Variants in NECTIN1 observed in about 807,000 individuals in gnomAD.
The protein encoded by NECTIN1 is nectin cell adhesion molecule 1.
NECTIN1 carries 23 observed loss-of-function variants against 48.0 expected under a neutral mutation model. That is an observed-to-expected ratio of 0.48 (90% CI 0.34 to 0.68). The LOEUF (loss-of-function observed/expected upper bound fraction) is 0.68, where lower values mean the gene tolerates loss of function less well. NECTIN1 is among the 30% of genes least tolerant of loss of function. The probability of loss-of-function intolerance (pLI) is 0.01; values close to 1 mark genes in which losing one functional copy is unlikely to be tolerated. For missense variants in NECTIN1, 591 were observed against 709.9 expected, an observed-to-expected ratio of 0.83 and a Z score of 1.90; for synonymous variants, 270 against 288.9, an observed-to-expected ratio of 0.93 and a Z score of 0.66.
In NECTIN1 at chr11:119,663,197, G is replaced by A. The variant is rs891443972; in HGVS notation, c.*1550C>T. ...GTGGGCAGGCATGAAGGGCCGCGAA[G>A]CCTGCCTCTCCATCCCAGGGTCCTT... On this transcript the variant is annotated 3_prime_UTR_variant, in exon 6 of 6. Transcript: ENST00000264025. 3.0e-6 allele frequency: 3 copies of A among 985,382 alleles called. No individual in the cohort carries two copies. The highest frequency in any genetic ancestry group is 4.7e-5 in the South Asian group (1 of 21,294). The allele number at this position is 985,382 out of a possible 1,614,324, so 61.0% of individuals were successfully genotyped here.
At chr11:119,652,698 A>C (rs1008151025) in intron 5 of NECTIN1, among the ~76,000 whole-genome samples, 1 of 152,192 alleles carries the variant, frequency 6.6e-6, no homozygotes, top group South Asian at 2.1e-4. Flanking sequence ...AGTGGGCGAG[A>C]AGCAGAGCCA....
Position 119,675,242 on chromosome 11 carries a change from T to C in NECTIN1, c.920A>G (p.Asn307Ser), listed in dbSNP as rs1289324780. The C allele has an allele frequency of 1.2e-6, 2 of 1,614,112 alleles. No individual in the cohort carries two copies. The highest frequency in any genetic ancestry group is 8.5e-7 in the Non-Finnish European group (1 of 1,180,024). Residue 307 changes from asparagine (N) to serine (S), a missense_variant, in exon 5 of 6, where the codon AAC becomes AGC. Asn to Ser is a conservative substitution (Grantham distance 46). Transcript: ENST00000264025. Reference sequence around the variant, plus strand: ...GATGTAGGTCCCTGCCAGGCTGTAGTTGATGGGTCCCTTGAAGAAGAGGGT... The same window carrying C: ...GATGTAGGTCCCTGCCAGGCTGTAGCTGATGGGTCCCTTGAAGAAGAGGGT... ...NRTLFFKGPI[N>S]YSLAGTYICE...
At chr11:119,711,107 TG>T (rs1182454346) in intron 1 of NECTIN1, among the ~76,000 whole-genome samples, 59 of 490 alleles carry the variant, frequency 0.12, 1 homozygote, top group African/African-American at 0.25. Flanking sequence ...CACGGGAGGC[TG>T]GCTGGGCACG....
intron 1 of NECTIN1, among the ~76,000 whole-genome samples, chr11:119,688,880 G>A (rs904279467): frequency 2.0e-5 from 3 of 152,024 alleles, no homozygotes; most frequent in African/African-American, 7.3e-5. Flanking sequence ...GTCAGAATAT[G>A]GGTTATAGAG....
rs570133280 is a variant in NECTIN1 at position 119,664,287 on chromosome 11, C to T, written c.*460G>A. On this transcript the variant is annotated 3_prime_UTR_variant, in exon 6 of 6. Transcript: ENST00000264025. ...TGGTGGGTGTTGGGTTCCCTCTAGC[C>T]GGGAGGAGGAGCAGCATCTGGGGGT... 32 of 998,374 alleles carry T rather than the reference C, an allele frequency of 3.2e-5. No individual in the cohort carries two copies. In the East Asian group the frequency reaches 1.2e-3, roughly 37 times the overall value. 61.8% of individuals were successfully genotyped at this position (998,374 alleles called of 1,614,324 possible).
At chr11:119,674,324 T>G in intron 5 of NECTIN1, 1 of 1,357,266 alleles carries the variant, frequency 7.4e-7, no homozygotes, top group South Asian at 1.6e-5. Context: ...GTGATGGCAG[T>G]TTACCCCTGT....
At chr11:119,723,644 T>G (rs1047834656) in intron 1 of NECTIN1, among the ~76,000 whole-genome samples, 30 of 152,352 alleles carry the variant, frequency 2.0e-4, no homozygotes, top group African/African-American at 7.0e-4. Context: ...AGTTCATCTC[T>G]CCTTGTGGAA....
downstream of NECTIN1, among the ~76,000 whole-genome samples, chr11:119,660,012 G>C (rs561130723): frequency 6.6e-6 from 1 of 152,290 alleles, no homozygotes; most frequent in Non-Finnish European, 1.5e-5. Flanking sequence ...TCAGCCAGCT[G>C]CCAACAGCTG....
At chr11:119,656,332 G>T (rs1160532894), downstream of NECTIN1, 1 of 152,226 alleles carries the variant, frequency 6.6e-6, no homozygotes, top group African/African-American at 2.4e-5. Context: ...GGCAGCACAT[G>T]TACTAAAATT....
At chr11:119,722,298 A>G (rs1565405250) in intron 1 of NECTIN1, among the ~76,000 whole-genome samples, 1 of 152,228 alleles carries the variant, frequency 6.6e-6, no homozygotes, top group Non-Finnish European at 1.5e-5. Context: ...CAATTTGCAA[A>G]AGGATTCAGT....
chr11:119,720,261 G>A (rs771550947), intron 1 of NECTIN1, among the ~76,000 whole-genome samples: 3 of 152,254 alleles, frequency 2.0e-5, no homozygotes, highest in Non-Finnish European at 4.4e-5. Context: ...CACAAGACGC[G>A]GGGACTGAGG....
At chr11:119,648,264 A>ATGGTGGTG (rs1565376362) in intron 5 of NECTIN1, among the ~76,000 whole-genome samples, 1 of 29,716 alleles carries the variant, frequency 3.4e-5, no homozygotes, top group Non-Finnish European at 5.6e-5. Context: ...AGGTGGTAAT[A>ATGGTGGTG]GTGGTGGTGG....
In NECTIN1 at chr11:119,674,066, C is replaced by T. The variant is rs554244863; in HGVS notation, c.1003+1093G>A. ...TTTCTGCAGCTGTGTCCTAAATATA[C>T]CCACAAATGAGGTCTCCCACTCCCG... On this transcript the variant is annotated intron_variant, in intron 5 of 5. Transcript: ENST00000264025. Among the ~76,000 whole-genome samples the T allele has an allele frequency of 7.2e-5, 11 of 152,332 alleles. No homozygotes were observed. The South Asian group carries it at 1.9e-3, about 26-fold the overall frequency.
At chr11:119,703,734 T>C (rs1865495409) in intron 1 of NECTIN1, among the ~76,000 whole-genome samples, 2 of 152,224 alleles carry the variant, frequency 1.3e-5, no homozygotes. Flanking sequence ...ACCCTGAATT[T>C]CCATCAACCT....
intron 5 of NECTIN1, among the ~76,000 whole-genome samples, chr11:119,670,796 A>C (rs1591453076): frequency 6.6e-6 from 1 of 151,864 alleles, no homozygotes; most frequent in East Asian, 1.9e-4. Context: ...ACAGGCACGC[A>C]CTGCCACACC....
chr11:119,680,857 GC>G lies in NECTIN1; in HGVS notation c.80-2093del, dbSNP rs1409754224. Reference sequence around the variant, plus strand: ...CGGAGCTGATGCTCCCTGGGCAGAGGCCCCATGGGTTGGGAATACGATGGGA... The same window carrying G: ...CGGAGCTGATGCTCCCTGGGCAGAGGCCCATGGGTTGGGAATACGATGGGA... On this transcript the variant is annotated intron_variant, in intron 1 of 5. Transcript: ENST00000264025. 4.0e-3 allele frequency among the ~76,000 whole-genome samples: 617 copies of G among 152,356 alleles called. 8 individuals are homozygous for G. The highest frequency in any genetic ancestry group is 0.014 in the African/African-American group (572 of 41,576).
At chr11:119,688,500 C>G (rs1036307907) in intron 1 of NECTIN1, among the ~76,000 whole-genome samples, 1 of 152,110 alleles carries the variant, frequency 6.6e-6, no homozygotes, top group Non-Finnish European at 1.5e-5. Flanking sequence ...TAGCAAGATC[C>G]CTGGCCTCTA....
rs149154998 is a variant in NECTIN1, at chr11:119,710,675, G to C, written c.79+17800C>G. Among the ~76,000 whole-genome samples, 515 of 152,340 alleles carry C rather than the reference G, an allele frequency of 3.4e-3. 1 individual carries two copies. The highest frequency in any genetic ancestry group is 6.3e-3 in the Admixed American group (96 of 15,306). ...GAAGTAGGGTCCTCCAGGCAGAGGA[G>C]ACAGGAACAGCAAAGGCATGGTGGA... On this transcript the variant is annotated intron_variant, in intron 1 of 5. Coordinates refer to ENST00000264025, the MANE Select transcript of NECTIN1 (RefSeq NM_002855.5).
intron 5 of NECTIN1, among the ~76,000 whole-genome samples, chr11:119,652,108 C>T (rs1864501032): frequency 1.3e-5 from 2 of 152,202 alleles, no homozygotes; most frequent in African/African-American, 4.8e-5. Flanking sequence ...TTATAGTCAA[C>T]AGGGAAAATC....
Sources: allele counts gnomAD v4.1 joint callset (sites outside exome capture counted in the v4.1 genomes callset), GRCh38; gene constraint gnomAD v4.1.1; transcripts MANE v1.5; gene names NCBI Gene and HGNC (gene_info 2026-07-23, HGNC 2026-07-21).